The following TRAPPC9 variants were observed in gnomAD, a reference collection of about 807,000 sequenced individuals.
TRAPPC9 encodes trafficking protein particle complex subunit 9.
TRAPPC9 carries 83 observed loss-of-function variants against 124.0 expected under a neutral mutation model. The ratio of observed to expected loss-of-function variants is 0.67; its 90% CI spans 0.56 to 0.80. The LOEUF (loss-of-function observed/expected upper bound fraction) is 0.80, where lower values mean the gene tolerates loss of function less well. Ranked by LOEUF, TRAPPC9 falls within the 30% of genes least tolerant of loss-of-function variation. TRAPPC9 has a pLI of 0.00. For missense variants in TRAPPC9, 1,302 were observed against 1,508.3 expected, an observed-to-expected ratio of 0.86 and a Z score of 2.27; for synonymous variants, 638 against 617.5, an observed-to-expected ratio of 1.03 and a Z score of -0.49.
At chr8:139,869,687 T>C (rs765555782) in intron 21 of TRAPPC9, among the ~76,000 whole-genome samples, 2 of 152,180 alleles carry the variant, frequency 1.3e-5, no homozygotes, top group African/African-American at 2.4e-5. Flanking sequence ...CAAAGAAAAC[T>C]TGGTAAATTG....
intron 17 of TRAPPC9, among the ~76,000 whole-genome samples, chr8:140,128,461 AGCGGC>A (rs1357595418): frequency 6.6e-6 from 1 of 152,238 alleles, no homozygotes; most frequent in East Asian, 1.9e-4. Flanking sequence ...GAGGTTAATG[AGCGGC>A]TAAAGGCCAA....
chr8:140,299,340 G>A (rs1431613112), intron 11 of TRAPPC9, among the ~76,000 whole-genome samples: 1 of 152,226 alleles, frequency 6.6e-6, no homozygotes, highest in East Asian at 1.9e-4. Flanking sequence ...CCGTAACTCG[G>A]GGTGTGGGTG....
chr8:140,433,060 T>G (rs554013713), intron 4 of TRAPPC9, among the ~76,000 whole-genome samples: 2 of 152,196 alleles, frequency 1.3e-5, no homozygotes, highest in East Asian at 1.9e-4. Flanking sequence ...CCCAGCACTT[T>G]GGGAGGCCGA....
intron 14 of TRAPPC9, among the ~76,000 whole-genome samples, chr8:140,283,395 C>G (rs6982865): frequency 0.21 from 30,156 of 144,588 alleles, 3,301 homozygotes; most frequent in African/African-American, 0.26. Flanking sequence ...CCTGGGTTCA[C>G]GCCATTCTCC....
rs541860500 is a variant in TRAPPC9 at position 139,846,960 on chromosome 8, C to T, written c.3055+38919G>A. Among the ~76,000 whole-genome samples, 8 of 152,364 alleles carry T rather than the reference C, an allele frequency of 5.3e-5. No individual in the cohort carries two copies. The South Asian group carries it at 1.7e-3, about 32-fold the overall frequency. On this transcript the variant is annotated intron_variant, in intron 21 of 22. Transcript: ENST00000438773. ...AACAAGCTCTTGAAGCTATCTGGTC[C>T]AGTCAATCACACTATTCATTCCTTC... is the stretch of plus-strand genomic sequence containing the variant.
intron 19 of TRAPPC9, among the ~76,000 whole-genome samples, chr8:139,925,802 A>AGCACAC (rs1055607324): frequency 4.4e-4 from 64 of 146,554 alleles, no homozygotes; most frequent in East Asian, 2.0e-3. Flanking sequence ...TTGACTACCC[A>AGCACAC]GCACACGCAC....
chr8:139,838,537 G>A (rs930325040), intron 21 of TRAPPC9, among the ~76,000 whole-genome samples: 5 of 152,182 alleles, frequency 3.3e-5, no homozygotes, highest in African/African-American at 1.2e-4. Flanking sequence ...TGGGCTGCTC[G>A]GAGCCCCCCA....
chr8:140,321,177 C>A (rs991558174), intron 9 of TRAPPC9, among the ~76,000 whole-genome samples: 1 of 152,246 alleles, frequency 6.6e-6, no homozygotes, highest in Non-Finnish European at 1.5e-5. Flanking sequence ...CTGCCTGCGG[C>A]AGAGAAGCCG....
chr8:139,771,124 T>C lies in TRAPPC9; in HGVS notation c.3056-38922A>G, dbSNP rs112668111. On this transcript the variant is annotated intron_variant, in intron 21 of 22. Transcript: ENST00000438773. ...AGCTGAAAGGGGGAGCTCAGATCCTTTGTGCACCTGCAGGGCAGGGAACTC... is the reference window on the plus strand; with the variant it reads ...AGCTGAAAGGGGGAGCTCAGATCCTCTGTGCACCTGCAGGGCAGGGAACTC... Among the ~76,000 whole-genome samples, 112 of 152,236 alleles carry C rather than the reference T, an allele frequency of 7.4e-4. 1 individual carries two copies. Among genetic ancestry groups the C allele is most frequent in the African/African-American group, 2.6e-3 (106 of 41,544 alleles).
At chr8:139,856,595 G>T (rs1827812616) in intron 21 of TRAPPC9, among the ~76,000 whole-genome samples, 1 of 152,288 alleles carries the variant, frequency 6.6e-6, no homozygotes. Context: ...GACAGCGGCG[G>T]GGGGTGGCGT....
intron 13 of TRAPPC9, among the ~76,000 whole-genome samples, chr8:140,284,735 T>C (rs1430886265): frequency 6.6e-6 from 1 of 152,202 alleles, no homozygotes; most frequent in Admixed American, 6.5e-5. Context: ...ATGAAACTAT[T>C]CCATACTAAA....
At chr8:140,396,138 CTT>C (rs59266343) in intron 7 of TRAPPC9, among the ~76,000 whole-genome samples, 3,004 of 83,416 alleles carry the variant, frequency 0.036, 43 homozygotes, top group African/African-American at 0.11. Context: ...AAGACCTTGC[CTT>C]TTTTTTTTTT....
intron 21 of TRAPPC9, among the ~76,000 whole-genome samples, chr8:139,853,284 G>A (rs1827606938): frequency 6.6e-6 from 1 of 152,212 alleles, no homozygotes; most frequent in African/African-American, 2.4e-5. Flanking sequence ...CCCATTTGCA[G>A]TGTGGGTCCT....
At chr8:140,213,976 G>A (rs960675818) in intron 17 of TRAPPC9, among the ~76,000 whole-genome samples, 1 of 152,164 alleles carries the variant, frequency 6.6e-6, no homozygotes, top group Admixed American at 6.5e-5. Context: ...CAGCCACTTG[G>A]AATGCTTTAT....
intron 21 of TRAPPC9, among the ~76,000 whole-genome samples, chr8:139,852,904 C>G (rs1295176602): frequency 6.6e-6 from 1 of 152,186 alleles, no homozygotes; most frequent in Non-Finnish European, 1.5e-5. Context: ...AACATAGTCT[C>G]TTGGAGGTAG....
rs141819309 is a variant in TRAPPC9, at chr8:139,980,665, G to A, written c.2810+8061C>T. On this transcript the variant is annotated intron_variant, in intron 19 of 22. Transcript: ENST00000438773. The stretch of plus-strand genomic sequence containing the variant: ...GATTCCTACTTTATGAAGAGCACTC[G>A]GCGCACGGTGAGGCCCTGCCCAGGC... Among the ~76,000 whole-genome samples, 57 of 152,332 alleles carry A rather than the reference G, an allele frequency of 3.7e-4. 1 individual carries two copies. The East Asian group carries it at 0.011, about 29-fold the overall frequency.
chr8:140,060,132 A>G (rs985187625), intron 17 of TRAPPC9, among the ~76,000 whole-genome samples: 2 of 152,216 alleles, frequency 1.3e-5, no homozygotes, highest in Non-Finnish European at 2.9e-5. Context: ...CCTGTGGAGC[A>G]GCTCGTTCTT....
At chr8:139,928,918 G>A (rs1381334523) in intron 19 of TRAPPC9, among the ~76,000 whole-genome samples, 4 of 151,866 alleles carry the variant, frequency 2.6e-5, no homozygotes, top group Non-Finnish European at 2.9e-5. Context: ...ATCACAGTCT[G>A]TTGATTCTCC....
At chr8:140,037,633 C>A (rs1840982580) in intron 17 of TRAPPC9, among the ~76,000 whole-genome samples, 1 of 150,200 alleles carries the variant, frequency 6.7e-6, no homozygotes, top group South Asian at 2.1e-4. Flanking sequence ...CACATACACA[C>A]ACACAAAACA....
Sources: allele counts gnomAD v4.1 joint callset (sites outside exome capture counted in the v4.1 genomes callset), GRCh38; gene constraint gnomAD v4.1.1; transcripts MANE v1.5; gene names NCBI Gene and HGNC (gene_info 2026-07-23, HGNC 2026-07-21).